The following LHFPL3 variants were observed in gnomAD, a reference collection of about 807,000 sequenced individuals.
LHFPL3 encodes LHFPL tetraspan subfamily member 3 protein.
In LHFPL3, 5 loss-of-function variants were observed where a neutral mutation model predicts 19.3. The observed-to-expected ratio is 0.26, with a 90% CI of 0.14 to 0.54. The LOEUF (loss-of-function observed/expected upper bound fraction) is 0.54, where lower values mean the gene tolerates loss of function less well. Among genes scored for constraint, LHFPL3 ranks in the 20% least tolerant of loss-of-function variants. The pLI, the probability that LHFPL3 is intolerant of heterozygous loss-of-function variation, is 0.94. For missense variants in LHFPL3, 249 were observed against 307.4 expected, an observed-to-expected ratio of 0.81 and a Z score of 1.42; for synonymous variants, 133 against 126.2, an observed-to-expected ratio of 1.05 and a Z score of -0.36.
chr7:104,503,716 C>A lies in LHFPL3; in HGVS notation c.445+174492C>A, dbSNP rs370161357. ...TCCTGAGTAGCTGGAACCACAGGTG[C>A]GCACCACCACACCCAGCTAATTTTT... is the stretch of plus-strand genomic sequence containing the variant. On this transcript the variant is annotated intron_variant, in intron 1 of 2. Transcript: ENST00000424859. Among the ~76,000 whole-genome samples, 47 of 152,094 alleles carry A rather than the reference C, an allele frequency of 3.1e-4. 3 individuals are homozygous for A. The highest frequency in any genetic ancestry group is 2.3e-3 in the East Asian group (12 of 5,162).
Position 104,883,572 on chromosome 7 carries a change from G to A in LHFPL3, c.683-22615G>A, listed in dbSNP as rs190478778. 2.5e-3 allele frequency among the ~76,000 whole-genome samples: 377 copies of A among 152,236 alleles called. 2 individuals are homozygous for A. Among genetic ancestry groups the A allele is most frequent in the Non-Finnish European group, 4.6e-3 (314 of 68,008 alleles). On this transcript the variant is annotated intron_variant, in intron 2 of 2. Transcript: ENST00000424859. ...GGTTCTCTGAGCCTATATGGTTGGA[G>A]GGAAGGTGAGGTGTGTGCAGCTGTG...
chr7:104,738,676 G>A (rs1280454920), intron 2 of LHFPL3: 1 of 152,236 alleles, frequency 6.6e-6, no homozygotes, highest in Admixed American at 6.5e-5. Context: ...TAATTCTCCC[G>A]ATTCATGGTT....
At chr7:104,466,717 G>C (rs987932325) in intron 1 of LHFPL3, among the ~76,000 whole-genome samples, 7 of 152,192 alleles carry the variant, frequency 4.6e-5, no homozygotes, top group African/African-American at 1.7e-4. Flanking sequence ...GTTTGACCTA[G>C]TTATAATCCC....
intron 1 of LHFPL3, among the ~76,000 whole-genome samples, chr7:104,729,144 A>G (rs1034089981): frequency 1.3e-5 from 2 of 152,198 alleles, no homozygotes; most frequent in Non-Finnish European, 2.9e-5. Context: ...AGTGTTTTTC[A>G]GCCTTACTAA....
chr7:104,607,037 A>C (rs1213024532), intron 1 of LHFPL3, among the ~76,000 whole-genome samples: 3 of 152,234 alleles, frequency 2.0e-5, no homozygotes, highest in Non-Finnish European at 4.4e-5. Flanking sequence ...CCTTATGACC[A>C]CTGACCACGT....
At chr7:104,594,983 C>T (rs1018954264) in intron 1 of LHFPL3, among the ~76,000 whole-genome samples, 24 of 152,196 alleles carry the variant, frequency 1.6e-4, no homozygotes, top group African/African-American at 5.3e-4. Flanking sequence ...TGGGTTCAAA[C>T]GTCCTCTTTT....
At chr7:104,648,178 G>A (rs563323786) in intron 1 of LHFPL3, among the ~76,000 whole-genome samples, 1 of 152,220 alleles carries the variant, frequency 6.6e-6, no homozygotes, top group East Asian at 1.9e-4. Context: ...TCTTACGTAG[G>A]AAGCCAGTGG....
chr7:104,430,979 AAATAAATAAAAT>A (rs1417965256), intron 1 of LHFPL3, among the ~76,000 whole-genome samples: 2 of 152,200 alleles, frequency 1.3e-5, no homozygotes, highest in African/African-American at 4.8e-5. Context: ...GATGATAAAT[AAATAAATAAAAT>A]AATAAATAAA....
intron 1 of LHFPL3, among the ~76,000 whole-genome samples, chr7:104,527,344 A>T (rs1332572639): frequency 6.6e-6 from 1 of 152,052 alleles, no homozygotes; most frequent in Non-Finnish European, 1.5e-5. Context: ...TTTGTGCGGC[A>T]GGGATGATGT....
intron 1 of LHFPL3, chr7:104,669,281 C>T (rs1176956828): frequency 2.7e-5 from 44 of 1,613,820 alleles, no homozygotes; most frequent in Non-Finnish European, 3.7e-5. Context: ...AAAGTAGCTC[C>T]AGCTCAACCA....
intron 1 of LHFPL3, among the ~76,000 whole-genome samples, chr7:104,562,826 G>T (rs1364636800): frequency 6.6e-6 from 1 of 150,562 alleles, no homozygotes; most frequent in Admixed American, 6.6e-5. Flanking sequence ...TCTACTTTTG[G>T]TCTTTGATGA....
intron 2 of LHFPL3, among the ~76,000 whole-genome samples, chr7:104,896,940 G>T (rs1792374486): frequency 6.6e-6 from 1 of 152,084 alleles, no homozygotes; most frequent in African/African-American, 2.4e-5. Context: ...ACAAAAATTT[G>T]CTGGGCATGG....
intron 1 of LHFPL3, among the ~76,000 whole-genome samples, chr7:104,346,702 A>G (rs1790073812): frequency 6.6e-6 from 1 of 151,864 alleles, no homozygotes; most frequent in Admixed American, 6.6e-5. Flanking sequence ...AAAAATACCA[A>G]ATGAAATAAT....
At chr7:104,778,328 T>C (rs1296398993) in intron 2 of LHFPL3, among the ~76,000 whole-genome samples, 1 of 152,160 alleles carries the variant, frequency 6.6e-6, no homozygotes, top group Non-Finnish European at 1.5e-5. Context: ...CCTACCCACC[T>C]TGGTCTCACT....
intron 1 of LHFPL3, among the ~76,000 whole-genome samples, chr7:104,715,866 G>A (rs1793375359): frequency 6.6e-6 from 1 of 152,300 alleles, no homozygotes; most frequent in East Asian, 1.9e-4. Flanking sequence ...TCCTTGTGGT[G>A]TCTTTGCCTG....
At chr7:104,652,949 C>T (rs1792058058) in intron 1 of LHFPL3, among the ~76,000 whole-genome samples, 1 of 152,052 alleles carries the variant, frequency 6.6e-6, no homozygotes, top group Admixed American at 6.6e-5. Context: ...TGTGATTGGC[C>T]ATCTCAGCTT....
chr7:104,402,949 C>T (rs1474054989), intron 1 of LHFPL3, among the ~76,000 whole-genome samples: 2 of 152,078 alleles, frequency 1.3e-5, no homozygotes, highest in Non-Finnish European at 2.9e-5. Flanking sequence ...AGCAAACTAG[C>T]ACAGGAACAG....
At chr7:104,499,360 T>C (rs906733674) in intron 1 of LHFPL3, among the ~76,000 whole-genome samples, 2 of 152,222 alleles carry the variant, frequency 1.3e-5, no homozygotes, top group African/African-American at 4.8e-5. Context: ...AACATAAAGA[T>C]TGTTTAATGT....
chr7:104,886,900 C>T (rs1792159688), intron 2 of LHFPL3, among the ~76,000 whole-genome samples: 1 of 152,204 alleles, frequency 6.6e-6, no homozygotes. Context: ...CACATTAAAA[C>T]TCTTTAAGTC....
Sources: gnomAD v4.1 joint callset for allele counts (sites outside exome capture counted in the v4.1 genomes callset) on GRCh38, gnomAD v4.1.1 for gene constraint, MANE v1.5 for transcripts, NCBI Gene and HGNC (gene_info 2026-07-23, HGNC 2026-07-21) for gene names.